Variants in MLPH observed in about 807,000 individuals in gnomAD.
The protein encoded by MLPH is exophilin-3.
A neutral mutation model predicts 72.1 loss-of-function variants in MLPH; 51 were observed. The ratio of observed to expected loss-of-function variants is 0.71; its 90% CI spans 0.56 to 0.89. The LOEUF (loss-of-function observed/expected upper bound fraction) is 0.89, where lower values mean the gene tolerates loss of function less well. MLPH is among the 40% of genes least tolerant of loss of function. MLPH has a pLI of 0.00. For synonymous variants in MLPH, 301 were observed against 310.1 expected, an observed-to-expected ratio of 0.97 and a Z score of 0.31; for missense variants, 743 against 759.9, an observed-to-expected ratio of 0.98 and a Z score of 0.26.
chr2:237,519,596 C>T (rs1247131951), intron 5 of MLPH, among the ~76,000 whole-genome samples: 2 of 152,154 alleles, frequency 1.3e-5, no homozygotes, highest in Admixed American at 1.3e-4. Flanking sequence ...AACAGCTTGC[C>T]TGCCCCCTAG....
chr2:237,524,168 A>C (rs1488685892), intron 6 of MLPH, among the ~76,000 whole-genome samples: 1 of 151,812 alleles, frequency 6.6e-6, no homozygotes, highest in Non-Finnish European at 1.5e-5. Flanking sequence ...CGGGAGCCGA[A>C]ATGCGATTAT....
intron 1 of MLPH, among the ~76,000 whole-genome samples, chr2:237,490,815 T>C (rs2079414437): frequency 6.6e-6 from 1 of 152,224 alleles, no homozygotes; most frequent in African/African-American, 2.4e-5. Flanking sequence ...CGGTAGTAAG[T>C]CCATTTCTTG....
chr2:237,496,082 G>A (rs1448523461), intron 2 of MLPH, among the ~76,000 whole-genome samples: 1 of 152,206 alleles, frequency 6.6e-6, no homozygotes, highest in Admixed American at 6.5e-5. Flanking sequence ...TGTGCCAAGG[G>A]CAGAACATCG....
At chr2:237,553,194 G>A (rs2081072731) in intron 15 of MLPH, 1 of 486,306 alleles carries the variant, frequency 2.1e-6, no homozygotes, top group East Asian at 6.2e-5. Context: ...CTTGGCCGAT[G>A]ACCAGTCTGG....
intron 8 of MLPH, among the ~76,000 whole-genome samples, chr2:237,529,720 G>T (rs771609048): frequency 2.6e-5 from 4 of 152,212 alleles, no homozygotes; most frequent in African/African-American, 4.8e-5. Context: ...CAGAGAAGGG[G>T]AAGTGGGGCT....
rs1486297521 is a variant in MLPH at position 237,525,680 on chromosome 2, C to A, written c.755C>A (p.Ser252Tyr). ...EGLEEADTGA[S>Y]GCHSHPEEQP... ...CTGGAGGAGGCTGATACTGGGGCCT[C>A]TGGGTGCCACTCCCATCCGGAAGAG... The change falls in exon 7 of 16, where the codon TCT becomes TAT. Residue 252 changes from serine to tyrosine, a missense_variant. Ser to Tyr is a moderately radical substitution (Grantham distance 144, BLOSUM62 -2). Transcript: ENST00000264605. 4.3e-6 allele frequency: 7 copies of A among 1,614,212 alleles called. No individual in the cohort carries two copies.
rs879404904 is a variant in MLPH at position 237,523,238 on chromosome 2, CTG to C, written c.676-2361_676-2360del. Reference sequence around the variant, plus strand: ...TATATAAACATCGTTGTAGGGATGACTGTAATGATGAAGGCACATGCGATAGA... The same window carrying C: ...TATATAAACATCGTTGTAGGGATGACTAATGATGAAGGCACATGCGATAGA... On this transcript the variant is annotated intron_variant, in intron 6 of 15. Coordinates refer to ENST00000264605, the MANE Select transcript of MLPH (RefSeq NM_024101.7). Among the ~76,000 whole-genome samples the C allele has an allele frequency of 3.4e-4, 52 of 152,152 alleles. 1 individual carries two copies. Among genetic ancestry groups the C allele is most frequent in the Admixed American group, 3.2e-3 (49 of 15,282 alleles).
intron 2 of MLPH, among the ~76,000 whole-genome samples, chr2:237,501,823 A>AAAT (rs1294029462): frequency 6.6e-6 from 1 of 151,746 alleles, no homozygotes; most frequent in East Asian, 1.9e-4. Context: ...ACTCCTCAAA[A>AAAT]AATAATAATA....
chr2:237,492,062 T>A (rs2079438873), intron 1 of MLPH, among the ~76,000 whole-genome samples: 2 of 152,188 alleles, frequency 1.3e-5, no homozygotes, highest in Admixed American at 1.3e-4. Flanking sequence ...TAGGTCTGGG[T>A]TGGAGCCTGA....
chr2:237,512,991 A>C lies in MLPH; in HGVS notation c.445+1890A>C, dbSNP rs2079937917. Among the ~76,000 whole-genome samples, 1 of 152,036 alleles carries C rather than the reference A, an allele frequency of 6.6e-6. No individual in the cohort carries two copies. The highest frequency in any genetic ancestry group is 2.4e-5 in the African/African-American group (1 of 41,378). ...TGCTCCTTGAACTTGGATTCCCAGCAGCTCCCCCAAGCGCCCACAGGGGCT... is the reference window on the plus strand; with the variant it reads ...TGCTCCTTGAACTTGGATTCCCAGCCGCTCCCCCAAGCGCCCACAGGGGCT... On this transcript the variant is annotated intron_variant, in intron 4 of 15. Coordinates refer to ENST00000264605, the MANE Select transcript of MLPH (RefSeq NM_024101.7). The surrounding 1 kb of genome is among the most constrained non-coding windows in gnomAD (Gnocchi z 5.5).
At chr2:237,501,389 T>A (rs1041751434) in intron 2 of MLPH, among the ~76,000 whole-genome samples, 3 of 151,238 alleles carry the variant, frequency 2.0e-5, no homozygotes, top group African/African-American at 7.4e-5. Flanking sequence ...TACCCAGCTG[T>A]GATGAATATC....
At chr2:237,496,666 G>C (rs2079541918) in intron 2 of MLPH, among the ~76,000 whole-genome samples, 1 of 152,212 alleles carries the variant, frequency 6.6e-6, no homozygotes, top group Admixed American at 6.5e-5. Flanking sequence ...TGTTTGCTCA[G>C]AATGAGCCAG....
At chr2:237,525,008 G>A (rs1339865283) in intron 6 of MLPH, among the ~76,000 whole-genome samples, 2 of 152,144 alleles carry the variant, frequency 1.3e-5, no homozygotes, top group African/African-American at 2.4e-5. Context: ...ATTTCCTCTG[G>A]CCTCCACCCC....
intron 4 of MLPH, among the ~76,000 whole-genome samples, chr2:237,514,715 C>T (rs1290457549): frequency 6.6e-6 from 1 of 152,196 alleles, no homozygotes; most frequent in African/African-American, 2.4e-5. Context: ...CCTGTCAGAG[C>T]TCAGACACGG....
chr2:237,489,049 G>A (rs898395610), intron 1 of MLPH, among the ~76,000 whole-genome samples: 41 of 152,160 alleles, frequency 2.7e-4, no homozygotes, highest in African/African-American at 9.7e-4. Flanking sequence ...TTGGAGCTCA[G>A]CCATTGTCCA....
intron 1 of MLPH, among the ~76,000 whole-genome samples, chr2:237,490,964 C>T (rs1474852150): frequency 1.3e-5 from 2 of 152,200 alleles, no homozygotes; most frequent in Admixed American, 6.5e-5. Flanking sequence ...AAAAATTCAA[C>T]GAATTATCCT....
At chr2:237,545,915 T>A (rs375381250) in intron 12 of MLPH, 1 of 197,976 alleles carries the variant, frequency 5.1e-6, no homozygotes, top group East Asian at 1.4e-4. Context: ...CAGGTCTCAG[T>A]CAATTTGGAA....
intron 14 of MLPH, 131 bp downstream of exon 14, chr2:237,549,409 C>T: frequency 1.1e-6 from 1 of 949,698 alleles, no homozygotes; most frequent in African/African-American, 1.6e-5. Flanking sequence ...TCCCAAAAAA[C>T]ATTCCCAGTG....
chr2:237,494,408 G>A (rs1196805366), intron 2 of MLPH, among the ~76,000 whole-genome samples: 2 of 152,132 alleles, frequency 1.3e-5, no homozygotes, highest in Non-Finnish European at 2.9e-5. Context: ...ACAGGTGGGG[G>A]GCATGGGATC....
Sources: allele counts gnomAD v4.1 joint callset (sites outside exome capture counted in the v4.1 genomes callset), GRCh38; gene constraint gnomAD v4.1.1; non-coding constraint Gnocchi (gnomAD v3.1); transcripts MANE v1.5; gene names NCBI Gene and HGNC (gene_info 2026-07-23, HGNC 2026-07-21).